Variants in PIGX observed in about 807,000 individuals in gnomAD.
The protein encoded by PIGX is GPI alpha-1,4-mannosyltransferase I, stabilizing subunit.
In PIGX, 24 loss-of-function variants were observed where a neutral mutation model predicts 28.7. That is an observed-to-expected ratio of 0.84 (90% confidence interval 0.60 to 1.17). The LOEUF is 1.17. Ranked by LOEUF, PIGX falls within the 50% of genes most tolerant of loss-of-function variation. PIGX has a pLI of 0.00. For synonymous variants in PIGX, 127 were observed against 121.0 expected (o/e 1.05, Z -0.33); for missense variants, 305 against 317.8 (o/e 0.96, Z 0.31).
intron 2 of PIGX, among the ~76,000 whole-genome samples, chr3:196,717,223 C>A (rs1235394923): frequency 1.4e-5 from 2 of 147,434 alleles, no homozygotes; most frequent in East Asian, 4.1e-4. Flanking sequence ...ATCACTTGAA[C>A]CCGGGAGGTG....
At chr3:196,722,284 T>C (rs1712355524) in intron 2 of PIGX, 131 bp from the exon 3 acceptor site, 1 of 634,210 alleles carries the variant, frequency 1.6e-6, no homozygotes, top group African/African-American at 1.8e-5. Flanking sequence ...AAATATTTCA[T>C]TTGACCTTAT....
rs762133323 is a variant in PIGX at position 196,721,251 on chromosome 3, G to C, written c.177-1164G>C. The C allele has an allele frequency of 1.2e-5, 4 of 336,764 alleles. 1 individual carries two copies. Among genetic ancestry groups the C allele is most frequent in the South Asian group, 9.4e-5 (4 of 42,576 alleles). The allele number at this position is 336,764 out of a possible 1,614,324, so 20.9% of individuals were successfully genotyped here. The stretch of plus-strand genomic sequence containing the variant: ...TGGAGGCGGTTCCTTTTTTCTCCCT[G>C]GTCTTTTTTCCTCTCTGTGCTTCAG... On this transcript the variant is annotated intron_variant, in intron 2 of 5. Coordinates refer to ENST00000392391, the MANE Select transcript of PIGX (RefSeq NM_017861.4).
intron 2 of PIGX, chr3:196,721,252 G>A (rs528529003): frequency 2.7e-5 from 9 of 335,616 alleles, no homozygotes; most frequent in South Asian, 2.1e-4. Flanking sequence ...TTTCTCCCTG[G>A]TCTTTTTTCC....
At chr3:196,722,158 G>A (rs575971333) in intron 2 of PIGX, among the ~76,000 whole-genome samples, 5 of 152,222 alleles carry the variant, frequency 3.3e-5, no homozygotes, top group African/African-American at 1.2e-4. Context: ...TGAAAATTGT[G>A]TGAATGTTAT....
intron 2 of PIGX, chr3:196,721,198 T>C (rs1393926323): frequency 2.6e-6 from 1 of 388,852 alleles, no homozygotes; most frequent in Non-Finnish European, 5.0e-6. Flanking sequence ...ATATGTATAC[T>C]AGACTACTTG....
intron 1 of PIGX, chr3:196,713,086 T>C (rs1711903958): frequency 1.0e-6 from 1 of 985,660 alleles, no homozygotes. Flanking sequence ...CTGCTTGTAC[T>C]ACTGAGACGG....
rs765839889 is a variant in PIGX, at chr3:196,731,085, A to G, written c.626A>G (p.Tyr209Cys). Residue 209 changes from tyrosine to cysteine, a missense_variant, in exon 5 of 6, where the codon TAT (tyrosine) becomes TGT (cysteine). Coordinates refer to ENST00000392391, the MANE Select transcript of PIGX (RefSeq NM_017861.4). The stretch of plus-strand genomic sequence containing the variant: ...ATCTGCCAATGGAACAAGATGAAGT[A>G]TAAATCAGTAAGCTAATGTTTTATG... 6.4e-7 allele frequency: 1 copy of G among 1,552,574 alleles called. No individual in the cohort carries two copies. Among genetic ancestry groups the G allele is most frequent in the Admixed American group, 1.7e-5 (1 of 59,842 alleles).
chr3:196,718,404 G>A (rs1284037336), intron 2 of PIGX, among the ~76,000 whole-genome samples: 1 of 152,056 alleles, frequency 6.6e-6, no homozygotes, highest in Admixed American at 6.6e-5. Context: ...TATGAGTTGA[G>A]GACTTAATCT....
chr3:196,729,713 C>T (rs558606500), intron 4 of PIGX, among the ~76,000 whole-genome samples: 8 of 151,510 alleles, frequency 5.3e-5, no homozygotes, highest in African/African-American at 1.9e-4. Context: ...TTTACGAAGC[C>T]CCTTTCAGTT....
Position 196,734,065 on chromosome 3 carries a change from TGTA to T in PIGX, c.*166_*168del. 2 of 584,504 alleles carry T rather than the reference TGTA, an allele frequency of 3.4e-6. No homozygotes were observed. Among genetic ancestry groups the T allele is most frequent in the South Asian group, 2.2e-5 (1 of 45,550 alleles). The allele number at this position is 584,504 out of a possible 1,614,324, so 36.2% of individuals were successfully genotyped here. ...GGATCATTCTCAGCTAATTCCAAAA[TGTA>T]GTGCTCTATTGCATGGATCCTTGGT... On this transcript the variant is annotated 3_prime_UTR_variant, in exon 6 of 6. Transcript: ENST00000392391.
Position 196,731,037 on chromosome 3 carries a change from C to T in PIGX, c.578C>T (p.Pro193Leu), listed in dbSNP as rs748753539. The change falls in exon 5 of 6, where the codon CCT (proline) becomes CTT (leucine). Residue 193 changes from proline (P) to leucine (L), a missense_variant. Transcript: ENST00000392391. ...TGGGCTCACTCAGAAGTGGCAGCCC[C>T]TTGTGCTTTGGAGAATGAGGATATC... is the stretch of plus-strand genomic sequence containing the variant. The T allele has an allele frequency of 2.8e-5, 45 of 1,612,092 alleles. No homozygotes were observed. In the African/African-American group the frequency reaches 4.4e-4, roughly 16 times the overall value.
In PIGX at chr3:196,734,001, T is replaced by C; in HGVS notation, c.*99T>C. 2.4e-6 allele frequency: 2 copies of C among 816,818 alleles called. No individual in the cohort carries two copies. Among genetic ancestry groups the C allele is most frequent in the Admixed American group, 4.9e-5 (2 of 40,584 alleles). The allele number at this position is 816,818 out of a possible 1,614,324, so 50.6% of individuals were successfully genotyped here. On this transcript the variant is annotated 3_prime_UTR_variant, in exon 6 of 6. Transcript: ENST00000392391. The stretch of plus-strand genomic sequence containing the variant: ...AATTAATTACTTTTATCTTTTGTCT[T>C]CATTTGTGGCCAAAATTATGTTTAC...
intron 3 of PIGX, chr3:196,726,535 C>A: frequency 8.8e-6 from 3 of 339,194 alleles, no homozygotes; most frequent in South Asian, 4.4e-5. Context: ...GCAAGTTTTG[C>A]CTAAAGAAGG....
intron 1 of PIGX, among the ~76,000 whole-genome samples, chr3:196,714,834 T>A (rs1712022925): frequency 6.6e-6 from 1 of 152,148 alleles, no homozygotes; most frequent in Non-Finnish European, 1.5e-5. Context: ...TCCCAGCATT[T>A]TGGAAGGCCA....
rs1712965544 is a variant in PIGX at position 196,735,312 on chromosome 3, A to T, written c.*1410A>T. The T allele has an allele frequency of 6.7e-6, 1 of 149,860 alleles. No homozygotes were observed. The highest frequency in any genetic ancestry group is 2.5e-5 in the African/African-American group (1 of 40,598). 9.3% of individuals were successfully genotyped at this position (149,860 alleles called of 1,614,324 possible). On this transcript the variant is annotated 3_prime_UTR_variant, in exon 6 of 6. Transcript: ENST00000392391. ...TCTGTCTCAAAAAAAAAAAAAAAAA[A>T]AAAAAAAAAAAAGTAAATAAAACCT...
Position 196,735,779 on chromosome 3 carries a change from T to C in PIGX, c.*1877T>C, listed in dbSNP as rs1051175369. ...GGCATTGTTTTGGGATATGGTTAGA[T>C]TGACAGGCAACGTTTTGGAATATGG... is the stretch of plus-strand genomic sequence containing the variant. On this transcript the variant is annotated 3_prime_UTR_variant, in exon 6 of 6. Coordinates refer to ENST00000392391, the MANE Select transcript of PIGX (RefSeq NM_017861.4). The C allele has an allele frequency of 3.9e-5, 6 of 152,198 alleles. No homozygotes were observed. The highest frequency in any genetic ancestry group is 1.4e-4 in the African/African-American group (6 of 41,442). The allele number at this position is 152,198 out of a possible 1,614,324, so 9.4% of individuals were successfully genotyped here.
In PIGX at chr3:196,712,558, G is replaced by C; in HGVS notation, c.26G>C (p.Arg9Pro). ...CTGGCGGCTCGGGTGGCGGCGGTTC[G>C]GGCGGCCGCCTGGCTGCTCCTCGGG... The change falls in exon 1 of 6, where the codon CGG becomes CCG. Residue 9 changes from arginine to proline, a missense_variant. Coordinates refer to ENST00000392391, the MANE Select transcript of PIGX (RefSeq NM_017861.4). The C allele has an allele frequency of 2.5e-6, 3 of 1,182,222 alleles. No homozygotes were observed. Among genetic ancestry groups the C allele is most frequent in the Non-Finnish European group, 2.1e-6 (2 of 956,042 alleles). 73.2% of individuals were successfully genotyped at this position (1,182,222 alleles called of 1,614,324 possible).
Position 196,712,449 on chromosome 3 carries a change from G to A in PIGX, c.-84G>A. On this transcript the variant is annotated 5_prime_UTR_variant, in exon 1 of 6. Transcript: ENST00000392391. ...AGCCGATAAATCTGGGGCAGCGCGC[G>A]GTAGGAGCTGCGGGCGGCCAGGCCC... is the stretch of plus-strand genomic sequence containing the variant. 1.8e-6 allele frequency: 1 copy of A among 564,048 alleles called. No homozygotes were observed. Among genetic ancestry groups the A allele is most frequent in the Non-Finnish European group, 2.4e-6 (1 of 409,474 alleles). 34.9% of individuals were successfully genotyped at this position (564,048 alleles called of 1,614,324 possible). A position where few individuals can be genotyped will look rare whatever the true frequency, so the allele number is the denominator to read the frequency against.
Position 196,730,999 on chromosome 3 carries a change from G to T in PIGX, c.540G>T (p.Pro180=), listed in dbSNP as rs78867326. 1.2e-6 allele frequency: 2 copies of T among 1,606,044 alleles called. No homozygotes were observed. The highest frequency in any genetic ancestry group is 1.7e-6 in the Non-Finnish European group (2 of 1,173,592). The stretch of plus-strand genomic sequence containing the variant: ...TTCTACCACTTTTCTCAGAGTTCCC[G>T]ATTTTGAAATGCTGGGCTCACTCAG... Residue 180 remains proline, a synonymous_variant, in exon 5 of 6, where the codon CCG becomes CCT. Transcript: ENST00000392391.
Sources: gnomAD v4.1 joint callset for allele counts (sites outside exome capture counted in the v4.1 genomes callset) on GRCh38, gnomAD v4.1.1 for gene constraint, MANE v1.5 for transcripts, NCBI Gene and HGNC (gene_info 2026-07-23, HGNC 2026-07-21) for gene names.